CIMAP1D: variants seen among roughly 807,000 people sequenced by gnomAD.
CIMAP1D encodes CIMAP1 family member D.
At chr19:467,538 C>T in the CIMAP1D span, 1 of 796,610 alleles carries the variant, frequency 1.3e-6, no homozygotes, top group South Asian at 1.4e-5. Flanking sequence ...ACTCCAAAGA[C>T]TCTGCATTCT....
At chr19:464,337 GC>G in the CIMAP1D span, 1 of 1,542,030 alleles carries the variant, frequency 6.5e-7, no homozygotes, top group Non-Finnish European at 8.7e-7. Flanking sequence ...TGGGCTGTAG[GC>G]CCCAGGGCCT....
chr19:490,714 A>T, the CIMAP1D span, among the ~76,000 whole-genome samples: 1 of 152,166 alleles, frequency 6.6e-6, no homozygotes, highest in East Asian at 1.9e-4. Flanking sequence ...CCTGTAATCC[A>T]GCACTTTGGG....
chr19:464,430 C>A, the CIMAP1D span: 1 of 971,340 alleles, frequency 1.0e-6, no homozygotes, highest in Non-Finnish European at 1.6e-6. Flanking sequence ...GGCCTGGCTC[C>A]CCATGGCCCA....
chr19:481,149 G>GA, the CIMAP1D span, among the ~76,000 whole-genome samples: 63 of 68,906 alleles, frequency 9.1e-4, no homozygotes, highest in South Asian at 1.6e-3. Flanking sequence ...AAGGATGATG[G>GA]GAAGGATGAT....
chr19:480,872 A>AACGATGATGGAG, the CIMAP1D span, among the ~76,000 whole-genome samples: 338 of 52,872 alleles, frequency 6.4e-3, no homozygotes, highest in African/African-American at 0.029. Flanking sequence ...CGATGATGGA[A>AACGATGATGGAG]AACGATGATG....
chr19:490,427 T>G, the CIMAP1D span: 1 of 153,370 alleles, frequency 6.5e-6, no homozygotes, highest in Non-Finnish European at 1.4e-5. Flanking sequence ...GTGTCCAAAA[T>G]ACTATCCTTT....
the CIMAP1D span, among the ~76,000 whole-genome samples, chr19:470,813 C>T: frequency 9.8e-5 from 15 of 152,382 alleles, no homozygotes; most frequent in East Asian, 7.7e-4. Flanking sequence ...GTGGTAGCAG[C>T]GCCACTGATG....
chr19:483,250 T>TC, the CIMAP1D span, among the ~76,000 whole-genome samples: 18 of 75,478 alleles, frequency 2.4e-4, no homozygotes, highest in East Asian at 6.0e-4. Flanking sequence ...CAGGGCCCCA[T>TC]CCCCCCCCAA....
At chr19:485,285 C>T in the CIMAP1D span, among the ~76,000 whole-genome samples, 46 of 152,336 alleles carry the variant, frequency 3.0e-4, no homozygotes, top group African/African-American at 9.4e-4. Context: ...CACACACACG[C>T]GTGCTCACAT....
At chr19:473,450 G>A in the CIMAP1D span, among the ~76,000 whole-genome samples, 3 of 100,774 alleles carry the variant, frequency 3.0e-5, no homozygotes, top group South Asian at 1.7e-3. Flanking sequence ...CACAGATGGG[G>A]AGACTGAGGC....
chr19:464,035 G>A, the CIMAP1D span: 19 of 1,597,184 alleles, frequency 1.2e-5, no homozygotes, highest in East Asian at 9.1e-5. Flanking sequence ...GCCCGGGGCC[G>A]CCCCAGCATG....
the CIMAP1D span, among the ~76,000 whole-genome samples, chr19:476,990 T>C: frequency 6.6e-6 from 1 of 152,178 alleles, no homozygotes; most frequent in Admixed American, 6.5e-5. Flanking sequence ...GCAGATTGCT[T>C]CAGCTCAGGA....
the CIMAP1D span, among the ~76,000 whole-genome samples, chr19:491,122 C>A: frequency 1.4e-4 from 21 of 148,136 alleles, no homozygotes; most frequent in African/African-American, 5.0e-4. Flanking sequence ...TCTACAAATA[C>A]AAAACTTACC....
At chr19:473,450 G>T in the CIMAP1D span, among the ~76,000 whole-genome samples, 1 of 100,774 alleles carries the variant, frequency 9.9e-6, no homozygotes, top group Non-Finnish European at 2.2e-5. Context: ...CACAGATGGG[G>T]AGACTGAGGC....
the CIMAP1D span, among the ~76,000 whole-genome samples, chr19:465,624 G>T: frequency 2.1e-5 from 3 of 145,894 alleles, no homozygotes; most frequent in Admixed American, 6.8e-5. Context: ...TGTGTGGATG[G>T]GTGTGTGGAT....
the CIMAP1D span, chr19:489,560 C>G: frequency 0.11 from 16,312 of 154,300 alleles, 1,762 homozygotes; most frequent in African/African-American, 0.28. Context: ...GCCCCGCATC[C>G]TCCCCGACCG....
the CIMAP1D span, among the ~76,000 whole-genome samples, chr19:488,453 C>T: frequency 6.6e-6 from 1 of 152,180 alleles, no homozygotes; most frequent in East Asian, 1.9e-4. Flanking sequence ...ACCCGGGAGG[C>T]GGAGCTTGCG....
chr19:478,670 G>C, the CIMAP1D span, among the ~76,000 whole-genome samples: 1 of 152,270 alleles, frequency 6.6e-6, no homozygotes, highest in Non-Finnish European at 1.5e-5. Context: ...TTTTAATCCT[G>C]CCTGCTCGAC....
At chr19:488,482 A>G in the CIMAP1D span, among the ~76,000 whole-genome samples, 1 of 152,234 alleles carries the variant, frequency 6.6e-6, no homozygotes, top group Non-Finnish European at 1.5e-5. Context: ...AGATGGCGCC[A>G]CTGCACTCCA....
Sources: gnomAD v4.1 joint callset for allele counts (sites outside exome capture counted in the v4.1 genomes callset) on GRCh38, gnomAD v4.1.1 for gene constraint, MANE v1.5 for transcripts, NCBI Gene and HGNC (gene_info 2026-07-23, HGNC 2026-07-21) for gene names.